MRPL52: variants seen among roughly 807,000 people sequenced by gnomAD.
The protein encoded by MRPL52 is mitochondrial ribosomal protein L52.
MRPL52 carries 19 observed loss-of-function variants against 22.1 expected under a neutral mutation model. The observed-to-expected ratio is 0.86, with a 90% CI of 0.60 to 1.26. MRPL52 has a LOEUF of 1.26. Ranked by LOEUF, MRPL52 falls within the 50% of genes most tolerant of loss-of-function variation. MRPL52 has a pLI of 0.00. For synonymous variants in MRPL52, 50 were observed against 57.5 expected, an observed-to-expected ratio of 0.87 and a Z score of 0.59; for missense variants, 152 against 148.1, an observed-to-expected ratio of 1.03 and a Z score of -0.14.
At chr14:22,830,997 C>T in intron 3 of MRPL52, 1 of 1,529,790 alleles carries the variant, frequency 6.5e-7, no homozygotes, top group Non-Finnish European at 8.7e-7. Flanking sequence ...TAATTGGTGA[C>T]TGAGGAAGAT....
rs11538931 is a variant in MRPL52, at chr14:22,834,260, A to G, written c.308A>G (p.Lys103Arg). The change falls in exon 5 of 5, where the codon AAG (lysine) becomes AGG (arginine). Residue 103 changes from lysine to arginine, a missense_variant. By Grantham distance (26) the Lys-to-Arg change is conservative. Coordinates refer to ENST00000397496, the MANE Select transcript of MRPL52 (RefSeq NM_180982.3). ...RQQKLQEEQR[K>R]QENALKPKGA... The stretch of plus-strand genomic sequence containing the variant: ...CAGAAGTTGCAGGAAGAACAAAGGA[A>G]GCAGGAAAATGCTCTTAAACCCAAA... The G allele has an allele frequency of 1.2e-6, 2 of 1,614,204 alleles. No homozygotes were observed. The highest frequency in any genetic ancestry group is 4.5e-5 in the East Asian group (2 of 44,888).
intron 3 of MRPL52, chr14:22,831,679 A>G (rs547534730): frequency 7.2e-5 from 11 of 152,422 alleles, no homozygotes; most frequent in African/African-American, 2.6e-4. Flanking sequence ...CTTTGCGGAA[A>G]GTAAACTACT....
chr14:22,834,039 C>T (rs953914239), intron 4 of MRPL52, 133 bp from the exon 5 acceptor site: 5 of 1,002,998 alleles, frequency 5.0e-6, no homozygotes, highest in Non-Finnish European at 7.2e-6. Context: ...GCTTCCCAAG[C>T]CAGAACTCGC....
chr14:22,831,106 CTTTTTT>C (rs36143447), intron 3 of MRPL52: 55 of 167,598 alleles, frequency 3.3e-4, no homozygotes, highest in African/African-American at 2.0e-3. Flanking sequence ...CATATGACTG[CTTTTTT>C]TTTTTTTTTT....
Position 22,830,313 on chromosome 14 carries a change from C to G in MRPL52, c.154+59C>G. The G allele has an allele frequency of 2.5e-6, 4 of 1,578,856 alleles. No individual in the cohort carries two copies. In the South Asian group the frequency reaches 4.4e-5, roughly 17 times the overall value. On this transcript the variant is annotated intron_variant, in intron 3 of 4. Transcript: ENST00000397496. The stretch of plus-strand genomic sequence containing the variant: ...GAGATTTTCACCTAGAGGGAACGCC[C>G]CTGGACGGGGAGCTGGGGGTATCAA...
rs1178560208 is a variant in MRPL52 at position 22,833,437 on chromosome 14, A to G, written c.174A>G (p.Pro58=). ...WSYADGRPAP[P]MKGQLRRKAE... is the part of the protein sequence containing the mutation. ...TTGTAGATGGCCGCCCTGCTCCCCC[A>G]ATGAAAGGCCAGCTTCGAAGAAAAG... The change falls in exon 4 of 5, where the codon CCA becomes CCG. Residue 58 remains proline, a synonymous_variant. Coordinates refer to ENST00000397496, the MANE Select transcript of MRPL52 (RefSeq NM_180982.3). 6.2e-7 allele frequency: 1 copy of G among 1,613,612 alleles called. No individual in the cohort carries two copies. The highest frequency in any genetic ancestry group is 8.5e-7 in the Non-Finnish European group (1 of 1,179,624).
rs567507482 is a variant in MRPL52, at chr14:22,829,972, G to A, written c.28+32G>A. ...GGGTATAGATAGGGACCGTGGACTC[G>A]GGGGCCCTTTGGGGACGGGCACAGG... On this transcript the variant is annotated intron_variant, in intron 1 of 4. Coordinates refer to ENST00000397496, the MANE Select transcript of MRPL52 (RefSeq NM_180982.3). The A allele has an allele frequency of 3.7e-5, 60 of 1,611,956 alleles. 1 individual carries two copies. The South Asian group carries it at 6.4e-4, about 17-fold the overall frequency.
intron 3 of MRPL52, among the ~76,000 whole-genome samples, chr14:22,832,624 G>A (rs1277780217): frequency 6.6e-6 from 1 of 152,062 alleles, no homozygotes; most frequent in African/African-American, 2.4e-5. Flanking sequence ...ACAGGTGTGA[G>A]CCACCACGCC....
chr14:22,831,065 AG>A lies in MRPL52; in HGVS notation c.154+812del. ...AAGAAGCCTGGCATCTCCTTGTAGT[AG>A]TATGGACTATTGGAAAGACTCTGGA... On this transcript the variant is annotated intron_variant, in intron 3 of 4. Transcript: ENST00000397496. 9 of 740,086 alleles carry A rather than the reference AG, an allele frequency of 1.2e-5. No homozygotes were observed. In the South Asian group the frequency reaches 1.3e-4, roughly 11 times the overall value. The allele number at this position is 740,086 out of a possible 1,614,324, so 45.8% of individuals were successfully genotyped here.
At position 22,834,294 on chromosome 14, in the gene MRPL52, A is replaced by C; in HGVS notation, c.342A>C (p.Ser114=). The part of the protein sequence containing the change: ...QENALKPKGA[S]LKSPLPSQ ...ATGCTCTTAAACCCAAAGGGGCTTCACTGAAGAGCCCACTTCCAAGTCAAT... is the reference window on the plus strand; with the variant it reads ...ATGCTCTTAAACCCAAAGGGGCTTCCCTGAAGAGCCCACTTCCAAGTCAAT... The change falls in exon 5 of 5, where the codon TCA becomes TCC. Residue 114 remains serine (S), a synonymous_variant. Transcript: ENST00000397496. The C allele has an allele frequency of 6.2e-7, 1 of 1,613,854 alleles. No individual in the cohort carries two copies.
In MRPL52 at chr14:22,834,269, A is replaced by G. The variant is rs746051827; in HGVS notation, c.317A>G (p.Asn106Ser). The change falls in exon 5 of 5, where the codon AAT becomes AGT. Residue 106 changes from asparagine (N) to serine (S), a missense_variant. Asn to Ser is a conservative substitution (Grantham distance 46). Transcript: ENST00000397496. Reference sequence around the variant, plus strand: ...CAGGAAGAACAAAGGAAGCAGGAAAATGCTCTTAAACCCAAAGGGGCTTCA... The same window carrying G: ...CAGGAAGAACAAAGGAAGCAGGAAAGTGCTCTTAAACCCAAAGGGGCTTCA... ...KLQEEQRKQE[N>S]ALKPKGASLK... 5 of 1,614,128 alleles carry G rather than the reference A, an allele frequency of 3.1e-6. No homozygotes were observed. Among genetic ancestry groups the G allele is most frequent in the Non-Finnish European group, 4.2e-6 (5 of 1,180,012 alleles).
chr14:22,832,425 C>T (rs1201210659), intron 3 of MRPL52, among the ~76,000 whole-genome samples: 2 of 152,180 alleles, frequency 1.3e-5, no homozygotes, highest in East Asian at 3.9e-4. Context: ...ACTGCAAGCT[C>T]AGCCTCCCGG....
rs1212678640 is a variant in MRPL52 at position 22,830,048 on chromosome 14, A to G, written c.29-5A>G. ...TCCCCCAACTCTGCTCTGTTCTCCC[A>G]GCAGGTGTCCGGAGGCTGCACTGCA... is the stretch of plus-strand genomic sequence containing the variant. On this transcript the variant is annotated splice_polypyrimidine_tract_variant and splice_region_variant and intron_variant, in intron 1 of 4. Transcript: ENST00000397496. 2 of 1,613,934 alleles carry G rather than the reference A, an allele frequency of 1.2e-6. No individual in the cohort carries two copies. The highest frequency in any genetic ancestry group is 1.7e-6 in the Non-Finnish European group (2 of 1,179,970).
intron 3 of MRPL52, chr14:22,831,187 A>G (rs942047287): frequency 6.4e-5 from 35 of 551,126 alleles, no homozygotes; most frequent in Admixed American, 2.8e-4. Flanking sequence ...ATCATCGCTC[A>G]CTGCAGCCTT....
chr14:22,830,155 A>AG, intron 2 of MRPL52, 32 bp from the exon 3 acceptor site: 1 of 1,614,118 alleles, frequency 6.2e-7, no homozygotes, highest in Non-Finnish European at 8.5e-7. Flanking sequence ...AAGCTGGGCT[A>AG]GGTCCTCACA....
intron 3 of MRPL52, 147 bp from the exon 4 acceptor site, chr14:22,833,271 C>T: frequency 1.6e-6 from 1 of 620,660 alleles, no homozygotes; most frequent in Non-Finnish European, 2.9e-6. Flanking sequence ...AGATGATGGA[C>T]ATATTTTAGG....
chr14:22,834,423 T>A lies in MRPL52; in HGVS notation c.*102T>A. 2.2e-6 allele frequency: 3 copies of A among 1,363,286 alleles called. No individual in the cohort carries two copies. In the Admixed American group the frequency reaches 8.1e-5, roughly 37 times the overall value. The allele number at this position is 1,363,286 out of a possible 1,614,324, so 84.4% of individuals were successfully genotyped here. A position where few individuals can be genotyped will look rare whatever the true frequency, so the allele number is the denominator to read the frequency against. On this transcript the variant is annotated 3_prime_UTR_variant, in exon 5 of 5. Transcript: ENST00000397496. ...AGATAGCCTTCACGTTCCCCATCTGTCTTCAGAGAAAAAGAGCTGGGACAC... is the reference window on the plus strand; with the variant it reads ...AGATAGCCTTCACGTTCCCCATCTGACTTCAGAGAAAAAGAGCTGGGACAC...
Position 22,834,412 on chromosome 14 carries a change from T to G in MRPL52, c.*91T>G. ...ATCCAGCCAGAAGATAGCCTTCACG[T>G]TCCCCATCTGTCTTCAGAGAAAAAG... On this transcript the variant is annotated 3_prime_UTR_variant, in exon 5 of 5. Transcript: ENST00000397496. The G allele has an allele frequency of 2.9e-6, 4 of 1,397,862 alleles. No individual in the cohort carries two copies. Among genetic ancestry groups the G allele is most frequent in the Non-Finnish European group, 2.9e-6 (3 of 1,043,456 alleles). 86.6% of individuals were successfully genotyped at this position (1,397,862 alleles called of 1,614,324 possible).
At chr14:22,831,025 C>T in intron 3 of MRPL52, 6 of 1,415,388 alleles carry the variant, frequency 4.2e-6, no homozygotes, top group South Asian at 1.2e-5. Flanking sequence ...ATTTTTTCTA[C>T]TTGTTATTTA....
Sources: allele counts gnomAD v4.1 joint callset (sites outside exome capture counted in the v4.1 genomes callset), GRCh38; gene constraint gnomAD v4.1.1; transcripts MANE v1.5; gene names NCBI Gene and HGNC (gene_info 2026-07-23, HGNC 2026-07-21).